MACROD2: variants seen among roughly 807,000 people sequenced by gnomAD.
MACROD2 encodes the protein mono-ADP ribosylhydrolase 2.
In MACROD2, 36 loss-of-function variants were observed where a neutral mutation model predicts 70.4. That is an observed-to-expected ratio of 0.51 (90% CI 0.39 to 0.68). The LOEUF (loss-of-function observed/expected upper bound fraction) is 0.68. Ranked by LOEUF, MACROD2 falls within the 30% of genes least tolerant of loss-of-function variation. MACROD2 has a pLI of 0.00. For missense variants in MACROD2, 496 were observed against 538.4 expected, an observed-to-expected ratio of 0.92 and a Z score of 0.78; for synonymous variants, 172 against 178.8, an observed-to-expected ratio of 0.96 and a Z score of 0.30.
intron 8 of MACROD2, among the ~76,000 whole-genome samples, chr20:15,595,558 G>C (rs2048735432): frequency 6.6e-6 from 1 of 152,060 alleles, no homozygotes; most frequent in Admixed American, 6.6e-5. Flanking sequence ...ATTAAGGCTG[G>C]TACTTCCACA....
At chr20:14,943,655 C>T (rs960263335) in intron 5 of MACROD2, among the ~76,000 whole-genome samples, 8 of 152,052 alleles carry the variant, frequency 5.3e-5, no homozygotes, top group African/African-American at 1.9e-4. Context: ...ATGTTAGGAC[C>T]ATCTTCTTAT....
intron 8 of MACROD2, among the ~76,000 whole-genome samples, chr20:15,741,559 T>A (rs2051107390): frequency 6.6e-6 from 1 of 152,132 alleles, no homozygotes; most frequent in African/African-American, 2.4e-5. Context: ...TGCACGTGGC[T>A]ACTCCCTCAC....
chr20:14,995,997 A>G (rs1916214574), intron 5 of MACROD2, among the ~76,000 whole-genome samples: 1 of 152,200 alleles, frequency 6.6e-6, no homozygotes, highest in African/African-American at 2.4e-5. Context: ...CACATAATAG[A>G]GAAATTCAAT....
At chr20:14,369,434 C>G (rs1486986979) in intron 3 of MACROD2, among the ~76,000 whole-genome samples, 3 of 152,182 alleles carry the variant, frequency 2.0e-5, no homozygotes, top group Non-Finnish European at 2.9e-5. Flanking sequence ...ACATCACATA[C>G]TTTTCTTACT....
At chr20:15,191,468 G>A (rs984436833) in intron 5 of MACROD2, among the ~76,000 whole-genome samples, 1 of 151,746 alleles carries the variant, frequency 6.6e-6, no homozygotes, top group African/African-American at 2.4e-5. Flanking sequence ...AGGGTGTGGC[G>A]TGGGGCAGCC....
chr20:15,399,286 G>A (rs1389934493), intron 6 of MACROD2, among the ~76,000 whole-genome samples: 1 of 152,180 alleles, frequency 6.6e-6, no homozygotes, highest in Non-Finnish European at 1.5e-5. Context: ...CAGCCACCAT[G>A]GTTTTATCCT....
At chr20:14,965,960 A>G (rs2074632827) in intron 5 of MACROD2, among the ~76,000 whole-genome samples, 4 of 152,128 alleles carry the variant, frequency 2.6e-5, no homozygotes, top group African/African-American at 7.2e-5. Context: ...AAATATGACT[A>G]CTTTTCAGTG....
chr20:14,763,387 A>T (rs1295052838), intron 5 of MACROD2, among the ~76,000 whole-genome samples: 1 of 152,118 alleles, frequency 6.6e-6, no homozygotes, highest in Non-Finnish European at 1.5e-5. Flanking sequence ...TCTAAAAGGG[A>T]AAGACAGAAG....
chr20:15,772,471 A>G (rs926989946), intron 8 of MACROD2, among the ~76,000 whole-genome samples: 1 of 152,114 alleles, frequency 6.6e-6, no homozygotes, highest in African/African-American at 2.4e-5. Context: ...AAGCTAAGTA[A>G]TCACAGATTC....
intron 5 of MACROD2, among the ~76,000 whole-genome samples, chr20:14,978,882 A>G (rs1013845813): frequency 7.9e-5 from 1 of 12,724 alleles, no homozygotes; most frequent in African/African-American, 1.4e-4. Flanking sequence ...TATAATATAT[A>G]AAATATATAT....
At chr20:14,844,627 A>G (rs1258123530) in intron 5 of MACROD2, among the ~76,000 whole-genome samples, 1 of 152,012 alleles carries the variant, frequency 6.6e-6, no homozygotes, top group Non-Finnish European at 1.5e-5. Flanking sequence ...TCTTTTTCCT[A>G]CTTTAGTATA....
At chr20:14,198,109 T>C (rs2081448421) in intron 3 of MACROD2, among the ~76,000 whole-genome samples, 1 of 151,326 alleles carries the variant, frequency 6.6e-6, no homozygotes, top group African/African-American at 2.4e-5. Flanking sequence ...TATTGCAGGC[T>C]GGAGGGCTGT....
intron 4 of MACROD2, among the ~76,000 whole-genome samples, chr20:14,615,435 A>T (rs1259594090): frequency 6.6e-6 from 1 of 152,144 alleles, no homozygotes; most frequent in Non-Finnish European, 1.5e-5. Context: ...ATTTATTTAG[A>T]TGGGGAGGAT....
chr20:15,461,006 A>ATTTTTTTTTTTT (rs951397131), intron 7 of MACROD2, among the ~76,000 whole-genome samples: 4 of 67,002 alleles, frequency 6.0e-5, no homozygotes, highest in East Asian at 6.1e-4. Flanking sequence ...ATATATATAT[A>ATTTTTTTTTTTT]TTTTTTTTTA....
intron 8 of MACROD2, among the ~76,000 whole-genome samples, chr20:15,847,230 G>T (rs552339612): frequency 4.6e-5 from 7 of 152,174 alleles, no homozygotes; most frequent in African/African-American, 1.4e-4. Flanking sequence ...AAATCATTCG[G>T]CTAAGCCCAT....
intron 4 of MACROD2, among the ~76,000 whole-genome samples, chr20:14,658,672 G>A (rs1469727087): frequency 6.6e-6 from 1 of 152,194 alleles, no homozygotes; most frequent in Admixed American, 6.5e-5. Context: ...GGAGTGCAGT[G>A]GCACAATCTC....
At chr20:15,612,413 A>T (rs900394717) in intron 8 of MACROD2, among the ~76,000 whole-genome samples, 1 of 152,226 alleles carries the variant, frequency 6.6e-6, no homozygotes, top group African/African-American at 2.4e-5. Flanking sequence ...CATAATGCAC[A>T]TTACATTATC....
At position 15,701,986 on chromosome 20, in the gene MACROD2, G is replaced by A. The variant is rs60252134; in HGVS notation, c.646-160759G>A. Among the ~76,000 whole-genome samples the A allele has an allele frequency of 7.9e-5, 12 of 152,316 alleles. No individual in the cohort carries two copies. The East Asian group carries it at 1.4e-3, about 17-fold the overall frequency. ...TAGCTGCATCCATGGTGCTGCAAAA[G>A]ACATGGTTTTATTCTTTTTTATGGC... On this transcript the variant is annotated intron_variant, in intron 8 of 17. Coordinates refer to ENST00000684519, the MANE Select transcript of MACROD2 (RefSeq NM_001351661.2).
rs2077078461 is a variant in MACROD2 at position 15,243,551 on chromosome 20, G to A, written c.540+13490G>A. Reference sequence around the variant, plus strand: ...CACACACACACAGGTCAATATATGTGGATCTTAAATAAATATGCAGTGGGG... The same window carrying A: ...CACACACACACAGGTCAATATATGTAGATCTTAAATAAATATGCAGTGGGG... On this transcript the variant is annotated intron_variant, in intron 6 of 17. Coordinates refer to ENST00000684519, the MANE Select transcript of MACROD2 (RefSeq NM_001351661.2). Among the ~76,000 whole-genome samples the A allele has an allele frequency of 2.6e-5, 4 of 152,106 alleles. No individual in the cohort carries two copies. The South Asian group carries it at 8.3e-4, about 32-fold the overall frequency.
Sources: gnomAD v4.1 joint callset for allele counts (sites outside exome capture counted in the v4.1 genomes callset) on GRCh38, gnomAD v4.1.1 for gene constraint, MANE v1.5 for transcripts, NCBI Gene and HGNC (gene_info 2026-07-23, HGNC 2026-07-21) for gene names.